AIFM3: variants seen among roughly 807,000 people sequenced by gnomAD.
AIFM3 encodes AIF family member 3, also known as apoptosis-inducing factor 3.
In AIFM3, 71 loss-of-function variants were observed where a neutral mutation model predicts 82.7. The ratio of observed to expected loss-of-function variants is 0.86; its 90% CI spans 0.71 to 1.05. AIFM3 has a LOEUF of 1.05. Ranked by LOEUF, AIFM3 falls within the 50% of genes least tolerant of loss-of-function variation. AIFM3 has a pLI of 0.00. For synonymous variants in AIFM3, 337 were observed against 329.1 expected, an observed-to-expected ratio of 1.02 and a Z score of -0.26; for missense variants, 748 against 816.7, an observed-to-expected ratio of 0.92 and a Z score of 1.03.
Position 20,974,298 on chromosome 22 carries a change from T to C in AIFM3, c.510+2T>C, listed in dbSNP as rs775511576. 6.2e-7 allele frequency: 1 copy of C among 1,613,104 alleles called. No homozygotes were observed. ...GTGTACGTCCGGGCCAGCAAGCAGG[T>C]GAGGGGATAGCTCGGGGCTCAGGCA... On this transcript the variant is annotated splice_donor_variant, in intron 6 of 20. Coordinates refer to ENST00000440238, the MANE Select transcript of AIFM3 (RefSeq NM_001386814.1). LOFTEE classifies it high-confidence loss of function.
At chr22:20,969,906 C>T (rs766086413) in intron 2 of AIFM3, among the ~76,000 whole-genome samples, 4 of 152,048 alleles carry the variant, frequency 2.6e-5, no homozygotes, top group Non-Finnish European at 5.9e-5. Flanking sequence ...AAGCAGAAGA[C>T]CTCTGTGCAA....
intron 16 of AIFM3, 34 bp from the exon 17 acceptor site, chr22:20,979,237 A>G (rs937981844): frequency 6.5e-7 from 1 of 1,549,738 alleles, no homozygotes; most frequent in East Asian, 2.4e-5. Context: ...GGTAAGAGCG[A>G]GAGTTAGGGT....
At chr22:20,969,018 G>A (rs1441848420) in intron 2 of AIFM3, among the ~76,000 whole-genome samples, 2 of 152,200 alleles carry the variant, frequency 1.3e-5, no homozygotes, top group African/African-American at 2.4e-5. Flanking sequence ...CCGCTCCTGT[G>A]CTGTGGACAC....
intron 8 of AIFM3, 83 bp from the exon 9 acceptor site, chr22:20,975,609 T>C: frequency 1.5e-6 from 2 of 1,363,064 alleles, no homozygotes; most frequent in Non-Finnish European, 2.1e-6. Context: ...AGCCCCTATG[T>C]GACTGGGGCT....
chr22:20,977,519 C>T lies in AIFM3; in HGVS notation c.1283-181C>T, dbSNP rs73392567. 495 of 680,466 alleles carry T rather than the reference C, an allele frequency of 7.3e-4. 3 individuals are homozygous for T. The highest frequency in any genetic ancestry group is 6.7e-3 in the African/African-American group (374 of 56,056). The allele number at this position is 680,466 out of a possible 1,614,324, so 42.2% of individuals were successfully genotyped here. ...GGAGAAGGTGATATCTGAGGTCTTG[C>T]GGGAGGCACCGGGTCTGTGGGAGAC... is the stretch of plus-strand genomic sequence containing the variant. On this transcript the variant is annotated intron_variant, in intron 14 of 20. Coordinates refer to ENST00000440238, the MANE Select transcript of AIFM3 (RefSeq NM_001386814.1).
intron 20 of AIFM3, 24 bp downstream of exon 20, chr22:20,980,791 C>G (rs199723855): frequency 1.2e-6 from 2 of 1,613,992 alleles, no homozygotes; most frequent in South Asian, 2.2e-5. Context: ...TCATGTTGAC[C>G]GTTCTGAGCC....
intron 9 of AIFM3, 127 bp from the exon 10 acceptor site, chr22:20,976,088 A>T: frequency 9.6e-7 from 1 of 1,043,118 alleles, no homozygotes; most frequent in South Asian, 1.4e-5. Flanking sequence ...CCCAGGTGGC[A>T]GGATCTGTTT....
chr22:20,974,958 T>C (rs1923541604), intron 8 of AIFM3, 142 bp downstream of exon 8: 6 of 775,740 alleles, frequency 7.7e-6, no homozygotes, highest in South Asian at 1.8e-5. Flanking sequence ...CCCCAAAAGA[T>C]CTAGATTTGT....
upstream of AIFM3, chr22:20,965,354 C>CG (rs1476615057): frequency 6.6e-6 from 1 of 151,974 alleles, no homozygotes; most frequent in Non-Finnish European, 1.5e-5. Context: ...GGTTGGCAAG[C>CG]GGGGCCAGAG....
At chr22:20,979,502 G>A (rs1923940277) in intron 17 of AIFM3, 125 bp from the exon 18 acceptor site, 2 of 1,475,516 alleles carry the variant, frequency 1.4e-6, no homozygotes, top group South Asian at 1.2e-5. Context: ...CTCGCTGGCG[G>A]CAAGGCTACG....
At chr22:20,974,010 C>A in intron 4 of AIFM3, 53 bp from the exon 5 acceptor site, 1 of 1,544,090 alleles carries the variant, frequency 6.5e-7, no homozygotes, top group South Asian at 1.2e-5. Context: ...GCACTGAGAT[C>A]CTTGGGAAGC....
At chr22:20,979,229 T>C in intron 16 of AIFM3, 42 bp from the exon 17 acceptor site, 1 of 1,546,078 alleles carries the variant, frequency 6.5e-7, no homozygotes, top group South Asian at 1.2e-5. Flanking sequence ...GTGGGAGTGG[T>C]AAGAGCGAGA....
chr22:20,977,840 G>T, intron 15 of AIFM3, 48 bp from the exon 16 acceptor site: 1 of 1,613,902 alleles, frequency 6.2e-7, no homozygotes, highest in Middle Eastern at 1.6e-4. Flanking sequence ...GGAGGTTCAG[G>T]TCAGGGCCCC....
At chr22:20,967,667 G>A (rs535963610) in intron 1 of AIFM3, 138 bp from the exon 2 acceptor site, 5 of 543,296 alleles carry the variant, frequency 9.2e-6, no homozygotes, top group East Asian at 6.3e-5. Flanking sequence ...AGGGCCCCAC[G>A]CTCTGGGATC....
chr22:20,977,230 G>GC, intron 14 of AIFM3, 135 bp downstream of exon 14: 1 of 1,249,048 alleles, frequency 8.0e-7, no homozygotes, highest in Non-Finnish European at 1.1e-6. Flanking sequence ...ACCCCCAACC[G>GC]CCCCCACTTT....
At chr22:20,967,775 C>T (rs1441756038) in intron 1 of AIFM3, 30 bp from the exon 2 acceptor site, 22 of 671,546 alleles carry the variant, frequency 3.3e-5, no homozygotes, top group Admixed American at 9.5e-5. Flanking sequence ...CCACACGCCC[C>T]GGTCCTGATG....
intron 18 of AIFM3, 42 bp from the exon 19 acceptor site, chr22:20,979,978 G>T: frequency 6.4e-7 from 1 of 1,573,348 alleles, no homozygotes; most frequent in South Asian, 1.1e-5. Flanking sequence ...AAAAGGGGCT[G>T]CTGCCTCGCA....
In AIFM3 at chr22:20,981,003, T is replaced by C. The variant is rs1924080533; in HGVS notation, c.1790T>C (p.Met597Thr). 3 of 1,614,182 alleles carry C rather than the reference T, an allele frequency of 1.9e-6. No homozygotes were observed. Among genetic ancestry groups the C allele is most frequent in the Non-Finnish European group, 1.7e-6 (2 of 1,180,020 alleles). Reference protein sequence around the residue: ...LFVLHSKTGDMSWLTGKGS With the variant: ...LFVLHSKTGDTSWLTGKGS ...CCTCACTCCTGCAGGACTGGCGACA[T>C]GTCCTGGCTTACGGGGAAAGGATCC... Residue 597 changes from methionine (M) to threonine (T), a missense_variant, in exon 21 of 21, where the codon ATG (methionine) becomes ACG (threonine). By Grantham distance (81) the Met-to-Thr change is moderately conservative. Transcript: ENST00000440238.
intron 19 of AIFM3, chr22:20,980,447 G>A (rs148348293): frequency 4.2e-4 from 253 of 597,188 alleles, no homozygotes; most frequent in African/African-American, 4.1e-3. Flanking sequence ...GCTGAGCCTG[G>A]CAGAAGCTAG....
Sources: gnomAD v4.1 joint callset for allele counts (sites outside exome capture counted in the v4.1 genomes callset) on GRCh38, gnomAD v4.1.1 for gene constraint, MANE v1.5 for transcripts, NCBI Gene and HGNC (gene_info 2026-07-23, HGNC 2026-07-21) for gene names.